Variants in C1QTNF7 observed in about 807,000 individuals in gnomAD.
The protein encoded by C1QTNF7 is C1q and TNF related 7.
C1QTNF7 carries 15 observed loss-of-function variants against 19.6 expected under a neutral mutation model. The observed-to-expected ratio is 0.76, with a 90% CI of 0.51 to 1.18. The LOEUF is 1.18. Ranked by LOEUF, C1QTNF7 falls within the 50% of genes most tolerant of loss-of-function variation. C1QTNF7 has a pLI of 0.00. For synonymous variants in C1QTNF7, 142 were observed against 137.5 expected (o/e 1.03, Z -0.23); for missense variants, 324 against 359.7 (o/e 0.90, Z 0.80).
In C1QTNF7 at chr4:15,435,922, T is replaced by C. The variant is rs773480880; in HGVS notation, c.179T>C (p.Leu60Pro). 2 of 1,613,998 alleles carry C rather than the reference T, an allele frequency of 1.2e-6. No individual in the cohort carries two copies. The highest frequency in any genetic ancestry group is 1.7e-6 in the Non-Finnish European group (2 of 1,179,982). The change falls in exon 2 of 3, where the codon CTT (leucine) becomes CCT (proline). Residue 60 changes from leucine (L) to proline (P), a missense_variant. Leu to Pro is a moderately conservative substitution (Grantham distance 98, BLOSUM62 -3). Coordinates refer to ENST00000444304, the MANE Select transcript of C1QTNF7 (RefSeq NM_031911.5). ...CCTGGGCCCCATGGTCGCATCGGCC[T>C]TCCAGGAAGAGATGGTAGAGACGGC... ...GSPGPHGRIG[L>P]PGRDGRDGRK...
At chr4:15,439,672 A>T (rs79566586) in intron 2 of C1QTNF7, among the ~76,000 whole-genome samples, 2,886 of 152,330 alleles carry the variant, frequency 0.019, 41 homozygotes, top group East Asian at 0.047. Context: ...ACATAGGTAA[A>T]GTAAAACACA....
At chr4:15,372,003 G>A (rs138975744) in intron 1 of C1QTNF7, among the ~76,000 whole-genome samples, 23 of 152,288 alleles carry the variant, frequency 1.5e-4, no homozygotes, top group African/African-American at 5.1e-4. Context: ...GTCATGAGGG[G>A]AGCAGGGTTC....
intron 1 of C1QTNF7, among the ~76,000 whole-genome samples, chr4:15,406,760 A>G (rs1161806352): frequency 1.3e-5 from 2 of 152,254 alleles, no homozygotes; most frequent in Non-Finnish European, 2.9e-5. Flanking sequence ...AAAATTGATC[A>G]TATATAGTAA....
intron 1 of C1QTNF7, among the ~76,000 whole-genome samples, chr4:15,404,792 A>G (rs181128597): frequency 7.9e-5 from 12 of 152,330 alleles, no homozygotes; most frequent in Non-Finnish European, 1.3e-4. Context: ...CTTCCCGAGT[A>G]AGGAATGTCT....
chr4:15,441,913 T>A (rs1222883761), intron 2 of C1QTNF7, among the ~76,000 whole-genome samples: 2 of 151,746 alleles, frequency 1.3e-5, no homozygotes, highest in African/African-American at 4.8e-5. Context: ...CCCAGCTGCT[T>A]GGGAGGCTGA....
chr4:15,432,282 T>C (rs1712347629), intron 1 of C1QTNF7, among the ~76,000 whole-genome samples: 3 of 152,204 alleles, frequency 2.0e-5, no homozygotes, highest in South Asian at 2.1e-4. Flanking sequence ...ACTGTGATTT[T>C]TCCATTATAA....
At chr4:15,420,021 A>G (rs998598802) in intron 1 of C1QTNF7, 4 of 152,200 alleles carry the variant, frequency 2.6e-5, no homozygotes, top group African/African-American at 9.7e-5. Flanking sequence ...GGAGTCACAT[A>G]CGATTCTCAT....
chr4:15,363,231 T>C (rs1717402604), intron 1 of C1QTNF7, among the ~76,000 whole-genome samples: 1 of 152,208 alleles, frequency 6.6e-6, no homozygotes, highest in African/African-American at 2.4e-5. Context: ...GCTTAGTCTT[T>C]CAGCCAGGTG....
At chr4:15,431,052 T>TGATAGATAGATAGATA (rs33924061) in intron 1 of C1QTNF7, among the ~76,000 whole-genome samples, 21 of 145,022 alleles carry the variant, frequency 1.4e-4, no homozygotes, top group African/African-American at 2.1e-4. Flanking sequence ...GATAGATAGA[T>TGATAGATAGATAGATA]GATAGATAGA....
chr4:15,346,031 T>C (rs898802160), intron 1 of C1QTNF7, among the ~76,000 whole-genome samples: 1 of 152,242 alleles, frequency 6.6e-6, no homozygotes, highest in African/African-American at 2.4e-5. Context: ...CTAAATGCAA[T>C]CTGGAGTTCT....
intron 1 of C1QTNF7, among the ~76,000 whole-genome samples, chr4:15,352,153 C>T (rs1716965201): frequency 1.3e-5 from 2 of 152,146 alleles, no homozygotes; most frequent in African/African-American, 2.4e-5. Context: ...CAAGCTGCAG[C>T]TTTACACCTC....
intron 1 of C1QTNF7, among the ~76,000 whole-genome samples, chr4:15,388,799 T>A (rs914710066): frequency 6.6e-6 from 1 of 152,138 alleles, no homozygotes; most frequent in African/African-American, 2.4e-5. Flanking sequence ...TGACAGGGGA[T>A]CAGGAGCTGA....
chr4:15,411,563 A>C (rs531141100), intron 1 of C1QTNF7, among the ~76,000 whole-genome samples: 2 of 152,270 alleles, frequency 1.3e-5, no homozygotes, highest in South Asian at 4.1e-4. Flanking sequence ...CCCAATGTGA[A>C]AGTGGTTAGT....
intron 1 of C1QTNF7, among the ~76,000 whole-genome samples, chr4:15,402,499 G>A (rs1325176097): frequency 6.6e-6 from 1 of 152,078 alleles, no homozygotes. Flanking sequence ...GCAACAGTGG[G>A]AATTATTTGA....
intron 1 of C1QTNF7, among the ~76,000 whole-genome samples, chr4:15,417,237 G>A (rs1179569751): frequency 6.6e-6 from 1 of 152,098 alleles, no homozygotes; most frequent in Non-Finnish European, 1.5e-5. Flanking sequence ...TAACAATCTT[G>A]TGCAGCCACC....
chr4:15,411,159 A>C (rs1719390061), intron 1 of C1QTNF7, among the ~76,000 whole-genome samples: 1 of 152,204 alleles, frequency 6.6e-6, no homozygotes, highest in Non-Finnish European at 1.5e-5. Context: ...TTTATTGAGC[A>C]CTTACAATGT....
At chr4:15,355,205 G>A (rs969607486) in intron 1 of C1QTNF7, among the ~76,000 whole-genome samples, 10 of 152,086 alleles carry the variant, frequency 6.6e-5, no homozygotes, top group African/African-American at 1.4e-4. Flanking sequence ...GAGCAGGACC[G>A]TAAATCAATG....
At position 15,429,561 on chromosome 4, in the gene C1QTNF7, G is replaced by T. The variant is rs558774366; in HGVS notation, c.-9+1455G>T. Among the ~76,000 whole-genome samples the T allele has an allele frequency of 4.8e-4, 73 of 152,292 alleles. 1 individual carries two copies. The highest frequency in any genetic ancestry group is 1.7e-3 in the African/African-American group (71 of 41,564). On this transcript the variant is annotated intron_variant, in intron 1 of 2. Coordinates refer to ENST00000444304, the MANE Select transcript of C1QTNF7 (RefSeq NM_031911.5). ...GTTCCTCATGTTGTAGCATGTGTCA[G>T]TATCTCCTTTCCTTTTAAGGCTGAA...
intron 1 of C1QTNF7, among the ~76,000 whole-genome samples, chr4:15,386,163 C>G (rs776499569): frequency 2.6e-5 from 4 of 152,190 alleles, no homozygotes; most frequent in African/African-American, 4.8e-5. Flanking sequence ...CCACAGGGTT[C>G]TGGGCTCCTA....
Sources: gnomAD v4.1 joint callset for allele counts (sites outside exome capture counted in the v4.1 genomes callset) on GRCh38, gnomAD v4.1.1 for gene constraint, MANE v1.5 for transcripts, NCBI Gene and HGNC (gene_info 2026-07-23, HGNC 2026-07-21) for gene names.